The following CYP2C19 variants were observed in gnomAD, a reference collection of about 807,000 sequenced individuals.
CYP2C19 encodes cytochrome P450 family 2 subfamily C member 19.
In CYP2C19, 59 loss-of-function variants were observed where a neutral mutation model predicts 40.9. That is an observed-to-expected ratio of 1.44 (90% confidence interval 1.17 to 1.79). The LOEUF is 1.79. CYP2C19 is among the 40% of genes most tolerant of loss of function. The probability of loss-of-function intolerance (pLI) is 0.00; values close to 1 mark genes in which losing one functional copy is unlikely to be tolerated. For synonymous variants in CYP2C19, 253 were observed against 208.7 expected (o/e 1.21, Z -1.83); for missense variants, 754 against 596.9 (o/e 1.26, Z -2.74).
intron 6 of CYP2C19, among the ~76,000 whole-genome samples, chr10:94,835,237 T>C (rs1035079367): frequency 2.0e-5 from 3 of 152,186 alleles, no homozygotes; most frequent in Non-Finnish European, 4.4e-5. Flanking sequence ...GCCCTGACTA[T>C]CTGCTTGATA....
chr10:94,771,087 A>G (rs1348139516), intron 1 of CYP2C19, among the ~76,000 whole-genome samples: 1 of 152,164 alleles, frequency 6.6e-6, no homozygotes, highest in Non-Finnish European at 1.5e-5. Context: ...CTATGTACCT[A>G]TCAGGATCAT....
Position 94,853,000 on chromosome 10 carries a change from T to C in CYP2C19, c.*86T>C, listed in dbSNP as rs995894104. On this transcript the variant is annotated 3_prime_UTR_variant, in exon 9 of 9. Coordinates refer to ENST00000371321, the MANE Select transcript of CYP2C19 (RefSeq NM_000769.4). ...AAATTTCACTATCTGTGATGCTTCT[T>C]CTGACCCGTCATCTCACATTTTCCC... The C allele has an allele frequency of 2.1e-6, 3 of 1,396,734 alleles. No individual in the cohort carries two copies. The highest frequency in any genetic ancestry group is 2.0e-4 in the Middle Eastern group (1 of 5,112). 86.5% of individuals were successfully genotyped at this position (1,396,734 alleles called of 1,614,324 possible).
chr10:94,773,228 T>C lies in CYP2C19; in HGVS notation c.169-1830T>C, dbSNP rs1253490683. 1.7e-4 allele frequency among the ~76,000 whole-genome samples: 26 copies of C among 152,180 alleles called. 1 individual carries two copies. Among genetic ancestry groups the C allele is most frequent in the Admixed American group, 1.7e-3 (26 of 15,280 alleles). On this transcript the variant is annotated intron_variant, in intron 1 of 8. Transcript: ENST00000371321. ...GTCCCTTCATTGTCACCAAAATGTG[T>C]CCAGAATTGGTTCCTTCCGGTGGGT... is the stretch of plus-strand genomic sequence containing the variant.
At chr10:94,783,969 G>A (rs1486786636) in intron 5 of CYP2C19, among the ~76,000 whole-genome samples, 5 of 152,118 alleles carry the variant, frequency 3.3e-5, no homozygotes, top group Admixed American at 3.3e-4. Context: ...GGTATTTAAT[G>A]TATTCACAAT....
chr10:94,841,307 G>A (rs1224345465), intron 6 of CYP2C19, among the ~76,000 whole-genome samples: 1 of 152,208 alleles, frequency 6.6e-6, no homozygotes, highest in Non-Finnish European at 1.5e-5. Context: ...ATCGGGAATG[G>A]CAATGGGACC....
rs1848342053 is a variant in CYP2C19 at position 94,772,138 on chromosome 10, C to T, written c.169-2920C>T. ...TACCCTGAGGGAGGGAAGGGATCTCCAGAGTTGGAAGTGTGATGCCTTTTG... is the reference window on the plus strand; with the variant it reads ...TACCCTGAGGGAGGGAAGGGATCTCTAGAGTTGGAAGTGTGATGCCTTTTG... On this transcript the variant is annotated intron_variant, in intron 1 of 8. Transcript: ENST00000371321. 1.3e-5 allele frequency among the ~76,000 whole-genome samples: 2 copies of T among 152,120 alleles called. 1 individual carries two copies.
chr10:94,848,507 A>T (rs113798338), intron 7 of CYP2C19, among the ~76,000 whole-genome samples: 1 of 152,164 alleles, frequency 6.6e-6, no homozygotes, highest in Non-Finnish European at 1.5e-5. Flanking sequence ...GAAGTCAGGT[A>T]GTGTGATGCC....
chr10:94,807,662 A>G (rs960500035), intron 5 of CYP2C19, among the ~76,000 whole-genome samples: 1 of 151,960 alleles, frequency 6.6e-6, no homozygotes, highest in Non-Finnish European at 1.5e-5. Context: ...TTTTCCATAT[A>G]CCTATTGGCC....
intron 6 of CYP2C19, among the ~76,000 whole-genome samples, chr10:94,826,015 A>G (rs1278026815): frequency 6.7e-6 from 1 of 149,584 alleles, no homozygotes; most frequent in Non-Finnish European, 1.5e-5. Flanking sequence ...CCATTGATCT[A>G]TATCTCTGTT....
intron 7 of CYP2C19, among the ~76,000 whole-genome samples, chr10:94,843,948 T>C (rs761234705): frequency 1.3e-5 from 2 of 152,196 alleles, no homozygotes; most frequent in African/African-American, 4.8e-5. Flanking sequence ...TGCCCTCACA[T>C]ATATATAGAA....
chr10:94,796,141 G>T (rs574563706), intron 5 of CYP2C19, among the ~76,000 whole-genome samples: 44 of 152,004 alleles, frequency 2.9e-4, no homozygotes, highest in African/African-American at 8.9e-4. Context: ...GGTCTAACAT[G>T]TAAGTCTTTA....
chr10:94,790,414 G>T (rs371192694), intron 5 of CYP2C19, among the ~76,000 whole-genome samples: 2 of 152,108 alleles, frequency 1.3e-5, no homozygotes, highest in Admixed American at 6.5e-5. Flanking sequence ...GGGCATCCTT[G>T]TCTTGTGCCA....
At chr10:94,811,239 T>G (rs1017398456) in intron 5 of CYP2C19, among the ~76,000 whole-genome samples, 4 of 152,228 alleles carry the variant, frequency 2.6e-5, no homozygotes, top group African/African-American at 9.6e-5. Flanking sequence ...CACTGTGGTC[T>G]AATAGGTTGT....
At chr10:94,772,548 A>C (rs899185869) in intron 1 of CYP2C19, among the ~76,000 whole-genome samples, 4 of 152,136 alleles carry the variant, frequency 2.6e-5, no homozygotes, top group Non-Finnish European at 5.9e-5. Context: ...CTTGGGTGAC[A>C]TGACTTTGAG....
intron 5 of CYP2C19, among the ~76,000 whole-genome samples, chr10:94,805,133 T>A (rs1848816129): frequency 6.6e-6 from 1 of 152,134 alleles, no homozygotes; most frequent in Non-Finnish European, 1.5e-5. Flanking sequence ...TTTTTTCTTT[T>A]CTTTCTGATT....
rs184354779 is a variant in CYP2C19, at chr10:94,834,411, T to G, written c.962-8426T>G. Among the ~76,000 whole-genome samples, 162 of 152,270 alleles carry G rather than the reference T, an allele frequency of 1.1e-3. 1 individual carries two copies. The highest frequency in any genetic ancestry group is 1.5e-3 in the Non-Finnish European group (102 of 68,026). On this transcript the variant is annotated intron_variant, in intron 6 of 8. Transcript: ENST00000371321. Reference sequence around the variant, plus strand: ...TTTTTTTCTTAGTCTGGCTAAAAACTTGTCAATTTTGTTTAATTTCTCAAA... The same window carrying G: ...TTTTTTTCTTAGTCTGGCTAAAAACGTGTCAATTTTGTTTAATTTCTCAAA...
chr10:94,787,670 G>C (rs866459806), intron 5 of CYP2C19, among the ~76,000 whole-genome samples: 2 of 152,146 alleles, frequency 1.3e-5, no homozygotes, highest in Non-Finnish European at 2.9e-5. Flanking sequence ...GTTAATTTTT[G>C]TATATGGTGC....
In CYP2C19 at chr10:94,837,806, C is replaced by T. The variant is rs191500018; in HGVS notation, c.962-5031C>T. On this transcript the variant is annotated intron_variant, in intron 6 of 8. Coordinates refer to ENST00000371321, the MANE Select transcript of CYP2C19 (RefSeq NM_000769.4). The stretch of plus-strand genomic sequence containing the variant: ...GGGGCTTGCCCCAGGCACCCTCAGT[C>T]CTGCTGCTGGATCATCTGGTTAGTG... Among the ~76,000 whole-genome samples the T allele has an allele frequency of 2.6e-5, 4 of 152,264 alleles. No homozygotes were observed. In the East Asian group the frequency reaches 7.8e-4, roughly 30 times the overall value.
rs549761998 is a variant in CYP2C19 at position 94,818,043 on chromosome 10, A to C, written c.820-2453A>C. Among the ~76,000 whole-genome samples the C allele has an allele frequency of 4.1e-4, 61 of 149,998 alleles. 2 individuals carry two copies. The South Asian group carries it at 0.013, about 32-fold the overall frequency. ...AAAAAAAAAAAAAAAAAAATCTTTA[A>C]TCCATCTTGAATTGATTTTTGTATA... On this transcript the variant is annotated intron_variant, in intron 5 of 8. Coordinates refer to ENST00000371321, the MANE Select transcript of CYP2C19 (RefSeq NM_000769.4).
Sources: allele counts gnomAD v4.1 joint callset (sites outside exome capture counted in the v4.1 genomes callset), GRCh38; gene constraint gnomAD v4.1.1; transcripts MANE v1.5; gene names NCBI Gene and HGNC (gene_info 2026-07-23, HGNC 2026-07-21).